PTPRG: variants seen among roughly 807,000 people sequenced by gnomAD.
PTPRG encodes receptor-type tyrosine-protein phosphatase gamma.
In PTPRG, 102 loss-of-function variants were observed where a neutral mutation model predicts 165.3. That is an observed-to-expected ratio of 0.62 (90% CI 0.53 to 0.73). PTPRG has a LOEUF of 0.73. Among genes scored for constraint, PTPRG ranks in the 30% least tolerant of loss-of-function variants. The pLI is 0.00. For missense variants in PTPRG, 1,866 were observed against 1,861.4 expected (o/e 1.00, Z -0.05); for synonymous variants, 675 against 669.5 (o/e 1.01, Z -0.13).
intron 4 of PTPRG, among the ~76,000 whole-genome samples, chr3:62,032,083 AGT>A (rs1699787083): frequency 2.0e-5 from 3 of 152,194 alleles, no homozygotes; most frequent in Admixed American, 1.3e-4. Context: ...AGATGGATTG[AGT>A]GTGTACTGGT....
At position 62,295,761 on chromosome 3, in the gene PTPRG, A is replaced by G. The variant is rs2242352; in HGVS notation, c.*2454A>G. 57,077 of 151,892 alleles carry G rather than the reference A, an allele frequency of 0.38. 11,264 individuals are homozygous for G. The highest frequency in any genetic ancestry group is 0.49 in the African/African-American group (20,147 of 41,426). The allele number at this position is 151,892 out of a possible 1,614,324, so 9.4% of individuals were successfully genotyped here. ...CATCTTGCCAAAGTAGTCCAAACAC[A>G]CTTCAATGAGGACAGTTATATTTAG... On this transcript the variant is annotated 3_prime_UTR_variant, in exon 30 of 30. Coordinates refer to ENST00000474889, the MANE Select transcript of PTPRG (RefSeq NM_002841.4).
intron 2 of PTPRG, among the ~76,000 whole-genome samples, chr3:61,987,678 G>A (rs1330096652): frequency 1.3e-5 from 2 of 150,360 alleles, no homozygotes; most frequent in African/African-American, 5.0e-5. Flanking sequence ...TCCATAATTT[G>A]GATTTACAAA....
chr3:62,291,322 A>G (rs1054852803), intron 28 of PTPRG, among the ~76,000 whole-genome samples: 1 of 152,166 alleles, frequency 6.6e-6, no homozygotes, highest in African/African-American at 2.4e-5. Context: ...AAAAACAGGC[A>G]TACCTGTGAC....
intron 1 of PTPRG, among the ~76,000 whole-genome samples, chr3:61,745,581 C>T (rs932105024): frequency 6.6e-6 from 1 of 152,196 alleles, no homozygotes; most frequent in Non-Finnish European, 1.5e-5. Flanking sequence ...TAAGATTAAC[C>T]TACCTTCTTG....
chr3:62,129,699 C>G (rs140975616), intron 5 of PTPRG, among the ~76,000 whole-genome samples: 24 of 152,312 alleles, frequency 1.6e-4, no homozygotes, highest in African/African-American at 5.8e-4. Context: ...CACTGTTGCA[C>G]TGGGAATTAA....
At position 61,742,914 on chromosome 3, in the gene PTPRG, C is replaced by T. The variant is rs2106888316; in HGVS notation, c.86-5964C>T. On this transcript the variant is annotated intron_variant, in intron 1 of 29. Transcript: ENST00000474889. Reference sequence around the variant, plus strand: ...AGTGCTGCTGGTCCCCCAGGACACACACACACAACTTAGGGCGGGGAGTGG... The same window carrying T: ...AGTGCTGCTGGTCCCCCAGGACACATACACACAACTTAGGGCGGGGAGTGG... The T allele has an allele frequency of 2.0e-6, 3 of 1,470,450 alleles. No homozygotes were observed. In the South Asian group the frequency reaches 3.4e-5, roughly 17 times the overall value. 91.1% of individuals were successfully genotyped at this position (1,470,450 alleles called of 1,614,324 possible). A position where few individuals can be genotyped will look rare whatever the true frequency, so the allele number is the denominator to read the frequency against.
chr3:62,056,893 C>G (rs540291874), intron 4 of PTPRG, among the ~76,000 whole-genome samples: 80 of 152,290 alleles, frequency 5.3e-4, no homozygotes, highest in African/African-American at 1.8e-3. Flanking sequence ...CCTTGAGGCT[C>G]TATGTCATTC....
intron 1 of PTPRG, among the ~76,000 whole-genome samples, chr3:61,594,822 A>C (rs1700656236): frequency 6.6e-6 from 1 of 152,228 alleles, no homozygotes; most frequent in Non-Finnish European, 1.5e-5. Context: ...AGCGTAACTG[A>C]GAAATGCGCA....
intron 2 of PTPRG, 188 bp downstream of exon 2, chr3:61,749,170 C>T: frequency 1.5e-6 from 1 of 687,092 alleles, no homozygotes; most frequent in Non-Finnish European, 2.6e-6. Flanking sequence ...TTATCTCTAC[C>T]ACCTGTTTCC....
intron 1 of PTPRG, among the ~76,000 whole-genome samples, chr3:61,735,559 G>C (rs964550157): frequency 6.6e-6 from 1 of 151,708 alleles, no homozygotes; most frequent in African/African-American, 2.4e-5. Context: ...TGAAATGCCG[G>C]GGACAGGCCT....
At chr3:61,993,550 A>G (rs887932946) in intron 3 of PTPRG, among the ~76,000 whole-genome samples, 1 of 152,124 alleles carries the variant, frequency 6.6e-6, no homozygotes, top group African/African-American at 2.4e-5. Context: ...TTGTACAATT[A>G]AGAGAAATGG....
At chr3:61,866,736 C>A (rs900186424) in intron 2 of PTPRG, among the ~76,000 whole-genome samples, 1 of 151,604 alleles carries the variant, frequency 6.6e-6, no homozygotes, top group Non-Finnish European at 1.5e-5. Flanking sequence ...GTAGCTGGGA[C>A]TACAGGCATG....
chr3:62,030,237 T>C (rs1699720967), intron 4 of PTPRG, among the ~76,000 whole-genome samples: 1 of 152,022 alleles, frequency 6.6e-6, no homozygotes, highest in Non-Finnish European at 1.5e-5. Flanking sequence ...CCTGCGTTTT[T>C]TGAACTAAGG....
At chr3:62,277,137 T>C (rs1242366271) in intron 25 of PTPRG, 89 bp downstream of exon 25, 5 of 1,005,218 alleles carry the variant, frequency 5.0e-6, no homozygotes, top group Non-Finnish European at 7.5e-6. Context: ...ATGTCATTTT[T>C]GAAATAATTT....
chr3:61,788,324 A>T (rs2034771364), intron 2 of PTPRG, among the ~76,000 whole-genome samples: 1 of 152,230 alleles, frequency 6.6e-6, no homozygotes, highest in Non-Finnish European at 1.5e-5. Context: ...AACTAATTTT[A>T]TTGAGTTATC....
intron 8 of PTPRG, among the ~76,000 whole-genome samples, chr3:62,188,634 T>C (rs1056110116): frequency 6.6e-6 from 1 of 152,234 alleles, no homozygotes; most frequent in African/African-American, 2.4e-5. Flanking sequence ...AAAACCCATC[T>C]ATTTTAATTT....
intron 1 of PTPRG, among the ~76,000 whole-genome samples, chr3:61,589,356 A>G (rs1057169026): frequency 6.6e-6 from 1 of 152,146 alleles, no homozygotes; most frequent in Non-Finnish European, 1.5e-5. Flanking sequence ...TTGTTGAATG[A>G]TATGTTCCAG....
chr3:61,631,021 A>C (rs1374065419), intron 1 of PTPRG, among the ~76,000 whole-genome samples: 4 of 151,834 alleles, frequency 2.6e-5, no homozygotes, highest in Non-Finnish European at 5.9e-5. Flanking sequence ...GTGCGACTGC[A>C]CTCCAGCCTG....
At chr3:61,709,796 G>C (rs1454482488) in intron 1 of PTPRG, among the ~76,000 whole-genome samples, 1 of 152,068 alleles carries the variant, frequency 6.6e-6, no homozygotes, top group Non-Finnish European at 1.5e-5. Flanking sequence ...TAACCACTGT[G>C]CCAGTGGTTC....
Sources: allele counts gnomAD v4.1 joint callset (sites outside exome capture counted in the v4.1 genomes callset), GRCh38; gene constraint gnomAD v4.1.1; transcripts MANE v1.5; gene names NCBI Gene and HGNC (gene_info 2026-07-23, HGNC 2026-07-21).